BCOR: variants seen among roughly 807,000 people sequenced by gnomAD.
BCOR encodes the protein BCL-6 corepressor.
A neutral mutation model predicts 86.7 loss-of-function variants in BCOR; 10 were observed. The ratio of observed to expected loss-of-function variants is 0.12; its 90% CI spans 0.07 to 0.20. BCOR has a LOEUF of 0.20. Among genes scored for constraint, BCOR ranks in the 10% least tolerant of loss-of-function variants. The pLI, the probability that BCOR is intolerant of heterozygous loss-of-function variation, is 1.00. For synonymous variants in BCOR, 611 were observed against 609.0 expected, an observed-to-expected ratio of 1.00 and a Z score of -0.05; for missense variants, 1,259 against 1,452.1, an observed-to-expected ratio of 0.87 and a Z score of 2.16.
chrX:40,057,873 CAGGAGTTT>C (rs1486785122), intron 10 of BCOR, among the ~76,000 whole-genome samples: 1 of 111,770 alleles, frequency 8.9e-6, no homozygotes, highest in African/African-American at 3.3e-5. Flanking sequence ...GGAGGATGCC[CAGGAGTTT>C]AGGCTGGTCC....
intron 8 of BCOR, 39 bp from the exon 9 acceptor site, chrX:40,063,110 G>GGGGGGGGGGGGT (rs1569147512): frequency 1.6e-6 from 1 of 644,555 alleles, no homozygotes; most frequent in Non-Finnish European, 2.2e-6. Context: ...GGGCGGATGG[G>GGGGGGGGGGGGT]AGACGGGAGA....
At chrX:40,169,236 G>A (rs915601087) in intron 1 of BCOR, among the ~76,000 whole-genome samples, 9 of 112,582 alleles carry the variant, frequency 8.0e-5, no homozygotes, top group African/African-American at 2.9e-4. Flanking sequence ...GCTCAAGTCG[G>A]TCCTTCAACC....
intron 1 of BCOR, among the ~76,000 whole-genome samples, chrX:40,154,129 T>C (rs1260609389): frequency 9.0e-6 from 1 of 111,442 alleles, no homozygotes; most frequent in Non-Finnish European, 1.9e-5. Flanking sequence ...AAATAATTAA[T>C]AATGATAATA....
chrX:40,149,225 T>C (rs2147983641), intron 1 of BCOR, among the ~76,000 whole-genome samples: 1 of 111,070 alleles, frequency 9.0e-6, no homozygotes, highest in South Asian at 3.8e-4. Flanking sequence ...CAGGATGCCT[T>C]GCGTCCAACT....
chrX:40,170,992 C>T (rs924660484), intron 1 of BCOR, among the ~76,000 whole-genome samples: 3 of 111,575 alleles, frequency 2.7e-5, no homozygotes, highest in Non-Finnish European at 3.8e-5. Context: ...GAAACCCATC[C>T]GAGGGGGACA....
At chrX:40,160,953 G>A in intron 1 of BCOR, among the ~76,000 whole-genome samples, 1 of 106,759 alleles carries the variant, frequency 9.4e-6, no homozygotes, top group Non-Finnish European at 1.9e-5. Context: ...GGGATTACAG[G>A]CGTGAGTCAC....
chrX:40,077,588 C>A (rs866769468), intron 2 of BCOR: 21 of 410,299 alleles, frequency 5.1e-5, no homozygotes, highest in Non-Finnish European at 8.1e-5. Flanking sequence ...GGGATTAATT[C>A]TCCTTCATAA....
intron 1 of BCOR, among the ~76,000 whole-genome samples, chrX:40,144,647 G>A (rs990715360): frequency 2.7e-5 from 3 of 111,453 alleles, no homozygotes; most frequent in African/African-American, 9.8e-5. Flanking sequence ...AACTTTTAAC[G>A]GACCCTCCAC....
intron 1 of BCOR, among the ~76,000 whole-genome samples, chrX:40,110,784 C>T (rs1489479339): frequency 1.1e-5 from 1 of 88,985 alleles, no homozygotes; most frequent in Non-Finnish European, 2.1e-5. Flanking sequence ...GATCTTGGCT[C>T]ACTGCAACCT....
At chrX:40,088,056 T>G (rs986313999) in intron 1 of BCOR, among the ~76,000 whole-genome samples, 2 of 112,381 alleles carry the variant, frequency 1.8e-5, no homozygotes, top group African/African-American at 6.5e-5. Flanking sequence ...TAAACCAAGT[T>G]TAAAATCAGA....
At chrX:40,154,970 A>G (rs1938255277) in intron 1 of BCOR, among the ~76,000 whole-genome samples, 1 of 111,149 alleles carries the variant, frequency 9.0e-6, no homozygotes, top group African/African-American at 3.3e-5. Context: ...GCGCGCACAC[A>G]CACACACGCA....
chrX:40,062,518 G>A, intron 9 of BCOR, 125 bp from the exon 10 acceptor site: 1 of 947,595 alleles, frequency 1.1e-6, no homozygotes, highest in Non-Finnish European at 1.5e-6. Context: ...ATCTTTTTTT[G>A]GGGGTGGGGG....
chrX:40,056,281 TAAAAAA>T lies in BCOR; in HGVS notation c.4596-774_4596-769del, dbSNP rs60712024. Among the ~76,000 whole-genome samples, 4 of 61,451 alleles carry T rather than the reference TAAAAAA, an allele frequency of 6.5e-5. No homozygotes were observed. The Admixed American group carries it at 8.1e-4, about 12-fold the overall frequency. The allele number at this position is 61,451 out of a possible 115,157, so 53.4% of individuals were successfully genotyped here. A position where few individuals can be genotyped will look rare whatever the true frequency, so the allele number is the denominator to read the frequency against. ...AATACAACAAGCAACTGTCACACAT[TAAAAAA>T]AAAAAAAAAAAAAAGCCACCTCTGT... On this transcript the variant is annotated intron_variant, in intron 11 of 14. Coordinates refer to ENST00000378444, the MANE Select transcript of BCOR (RefSeq NM_001123385.2).
intron 1 of BCOR, among the ~76,000 whole-genome samples, chrX:40,084,524 A>G (rs1418074102): frequency 8.9e-6 from 1 of 111,975 alleles, no homozygotes; most frequent in Admixed American, 9.4e-5. Flanking sequence ...CCACGCAAAA[A>G]GAAACCACTT....
At chrX:40,167,536 A>G (rs913058814) in intron 1 of BCOR, among the ~76,000 whole-genome samples, 2 of 112,660 alleles carry the variant, frequency 1.8e-5, no homozygotes, top group Non-Finnish European at 3.8e-5. Flanking sequence ...GCTGCGTGTT[A>G]TTATTGTCAA....
At chrX:40,057,480 C>T (rs1461404095) in intron 10 of BCOR, among the ~76,000 whole-genome samples, 159 bp from the exon 11 acceptor site, 1 of 111,854 alleles carries the variant, frequency 8.9e-6, no homozygotes, top group South Asian at 3.7e-4. Context: ...AACACATGTG[C>T]GAAGCGCCTG....
intron 9 of BCOR, 62 bp downstream of exon 9, chrX:40,062,684 G>A (rs774275618): frequency 1.3e-5 from 14 of 1,064,244 alleles, no homozygotes; most frequent in Non-Finnish European, 7.7e-6. Flanking sequence ...CTCAAGCTGG[G>A]AAGCAGGCAG....
At position 40,072,361 on chromosome X, in the gene BCOR, T is replaced by C. The variant is rs748413714; in HGVS notation, c.2985A>G (p.Gln995=). The C allele has an allele frequency of 5.0e-6, 6 of 1,209,156 alleles. No homozygotes were observed. The highest frequency in any genetic ancestry group is 6.7e-6 in the Non-Finnish European group (6 of 894,281). ...YADSSQLSRE[Q]RALQMEGLQE... ...TGGGGGGGCTCACCTGCAATGCCCG[T>C]TGCTCCCGGCTGAGCTGACTGGAAT... is the stretch of plus-strand genomic sequence containing the variant. Residue 995 remains glutamine (Q), a synonymous_variant, in exon 4 of 15, where the codon CAA becomes CAG. Coordinates refer to ENST00000378444, the MANE Select transcript of BCOR (RefSeq NM_001123385.2).
intron 1 of BCOR, among the ~76,000 whole-genome samples, chrX:40,169,574 A>G (rs1376460840): frequency 9.1e-6 from 1 of 110,381 alleles, no homozygotes; most frequent in Non-Finnish European, 1.9e-5. Flanking sequence ...GCAACACGCC[A>G]CCCCACCCCC....
Sources: allele counts gnomAD v4.1 joint callset (sites outside exome capture counted in the v4.1 genomes callset), GRCh38; gene constraint gnomAD v4.1.1; transcripts MANE v1.5; gene names NCBI Gene and HGNC (gene_info 2026-07-23, HGNC 2026-07-21).